The following ARHGEF26 variants were observed in gnomAD, a reference collection of about 807,000 sequenced individuals.
ARHGEF26 encodes Rho guanine nucleotide exchange factor (GEF) 26.
ARHGEF26 carries 59 observed loss-of-function variants against 89.4 expected under a neutral mutation model. The observed-to-expected ratio is 0.66, with a 90% CI of 0.54 to 0.82. The LOEUF (loss-of-function observed/expected upper bound fraction) is 0.82, where lower values mean the gene tolerates loss of function less well. Ranked by LOEUF, ARHGEF26 falls within the 40% of genes least tolerant of loss-of-function variation. The pLI, the probability that ARHGEF26 is intolerant of heterozygous loss-of-function variation, is 0.00. For missense variants in ARHGEF26, 1,234 were observed against 1,085.6 expected (o/e 1.14, Z -1.92); for synonymous variants, 500 against 428.4 (o/e 1.17, Z -2.06).
At chr3:154,143,220 A>G (rs985714780) in intron 4 of ARHGEF26, among the ~76,000 whole-genome samples, 2 of 152,236 alleles carry the variant, frequency 1.3e-5, no homozygotes, top group African/African-American at 4.8e-5. Context: ...TTTCTATTCA[A>G]TCACTATTAA....
chr3:154,192,864 A>G (rs974157926), intron 8 of ARHGEF26, among the ~76,000 whole-genome samples: 1 of 152,240 alleles, frequency 6.6e-6, no homozygotes, highest in African/African-American at 2.4e-5. Flanking sequence ...AAAAATAAAT[A>G]AAATGCATTT....
chr3:154,159,827 C>G (rs1235738887), intron 6 of ARHGEF26, among the ~76,000 whole-genome samples: 1 of 152,004 alleles, frequency 6.6e-6, no homozygotes, highest in Non-Finnish European at 1.5e-5. Context: ...CTGACTAATT[C>G]TTAAAGCTAA....
At chr3:154,191,063 A>C (rs1425984108) in intron 7 of ARHGEF26, among the ~76,000 whole-genome samples, 1 of 152,168 alleles carries the variant, frequency 6.6e-6, no homozygotes, top group South Asian at 2.1e-4. Context: ...CTTATTGTTA[A>C]TACTGTTATG....
intron 6 of ARHGEF26, among the ~76,000 whole-genome samples, chr3:154,155,665 G>A (rs1057382987): frequency 2.6e-5 from 4 of 151,938 alleles, no homozygotes; most frequent in African/African-American, 9.7e-5. Flanking sequence ...TTCATACCAA[G>A]CATTATGTTG....
At chr3:154,249,105 G>T (rs1717963650) in intron 12 of ARHGEF26, among the ~76,000 whole-genome samples, 1 of 152,182 alleles carries the variant, frequency 6.6e-6, no homozygotes, top group Non-Finnish European at 1.5e-5. Context: ...AGGGATAAAA[G>T]GAAGGTTAAA....
At chr3:154,123,315 G>A (rs1560035860) in intron 2 of ARHGEF26, among the ~76,000 whole-genome samples, 1 of 152,150 alleles carries the variant, frequency 6.6e-6, no homozygotes, top group African/African-American at 2.4e-5. Context: ...CTAAGCTCAG[G>A]CAGAATTGGG....
intron 13 of ARHGEF26, among the ~76,000 whole-genome samples, chr3:154,254,205 G>A (rs1000759106): frequency 9.9e-5 from 15 of 152,116 alleles, no homozygotes; most frequent in African/African-American, 2.9e-4. Context: ...GTGAGCCACC[G>A]TGCCCGGCCA....
intron 11 of ARHGEF26, among the ~76,000 whole-genome samples, chr3:154,228,581 A>T (rs1030782892): frequency 6.6e-6 from 1 of 151,076 alleles, no homozygotes; most frequent in Non-Finnish European, 1.5e-5. Flanking sequence ...TTAGTTCATT[A>T]TATTTCTAGG....
intron 4 of ARHGEF26, among the ~76,000 whole-genome samples, chr3:154,131,042 T>G (rs1469538625): frequency 1.3e-5 from 2 of 152,206 alleles, no homozygotes; most frequent in Non-Finnish European, 2.9e-5. Flanking sequence ...CACCTCCTAA[T>G]TTTGTTCTCA....
rs201150057 is a variant in ARHGEF26 at position 154,186,886 on chromosome 3, C to CTTTTTTTTTTTTTTTTT, written c.1488-787_1488-771dup. Among the ~76,000 whole-genome samples, 10 of 82,040 alleles carry CTTTTTTTTTTTTTTTTT rather than the reference C, an allele frequency of 1.2e-4. 2 individuals are homozygous for CTTTTTTTTTTTTTTTTT. Among genetic ancestry groups the CTTTTTTTTTTTTTTTTT allele is most frequent in the African/African-American group, 4.7e-4 (10 of 21,130 alleles). 53.8% of individuals were successfully genotyped at this position (82,040 alleles called of 152,430 possible). On this transcript the variant is annotated intron_variant, in intron 6 of 14. Transcript: ENST00000465093. Reference sequence around the variant, plus strand: ...CATATACTGTTAGATTTATTTCAGACTTTTTTTTTTTTTTTTTTTTTTTTT... The same window carrying CTTTTTTTTTTTTTTTTT: ...CATATACTGTTAGATTTATTTCAGACTTTTTTTTTTTTTTTTTTTTTTTTTTTTTTTTTTTTTTTTTT...
At chr3:154,126,726 G>A (rs762120777) in intron 3 of ARHGEF26, among the ~76,000 whole-genome samples, 1 of 152,104 alleles carries the variant, frequency 6.6e-6, no homozygotes, top group Non-Finnish European at 1.5e-5. Context: ...CTTGTACACT[G>A]TGGCCACTAG....
intron 9 of ARHGEF26, among the ~76,000 whole-genome samples, chr3:154,212,160 G>A (rs1007122367): frequency 2.6e-5 from 4 of 152,026 alleles, no homozygotes; most frequent in Non-Finnish European, 4.4e-5. Context: ...GCAACATAGT[G>A]AGACCTCTTC....
At chr3:154,234,835 G>A (rs923766056) in intron 11 of ARHGEF26, among the ~76,000 whole-genome samples, 12 of 151,944 alleles carry the variant, frequency 7.9e-5, no homozygotes, top group African/African-American at 2.4e-4. Flanking sequence ...GCGCAATCTC[G>A]GCTCACTGCA....
At chr3:154,199,003 A>G (rs1199300058) in intron 9 of ARHGEF26, among the ~76,000 whole-genome samples, 1 of 152,110 alleles carries the variant, frequency 6.6e-6, no homozygotes, top group Non-Finnish European at 1.5e-5. Context: ...AGTGTGAAAT[A>G]AGCACATCAT....
chr3:154,246,865 T>C (rs947465093), intron 12 of ARHGEF26, among the ~76,000 whole-genome samples: 2 of 152,168 alleles, frequency 1.3e-5, no homozygotes, highest in Non-Finnish European at 2.9e-5. Flanking sequence ...ATTTAGATTT[T>C]TGGCGTGAGC....
chr3:154,191,175 T>A (rs112039120), intron 7 of ARHGEF26, 114 bp from the exon 8 acceptor site: 13,778 of 1,166,924 alleles, frequency 0.012, 97 homozygotes, highest in Non-Finnish European at 0.014. Context: ...TCATACAGTT[T>A]AAAATAGTTG....
intron 13 of ARHGEF26, among the ~76,000 whole-genome samples, 181 bp downstream of exon 13, chr3:154,253,364 A>G (rs1718281832): frequency 1.3e-5 from 2 of 152,258 alleles, no homozygotes; most frequent in Admixed American, 1.3e-4. Context: ...TCTGAATTCA[A>G]ATCCAAGGTG....
In ARHGEF26 at chr3:154,255,369, G is replaced by C; in HGVS notation, c.2512G>C (p.Gly838Arg). 6.2e-7 allele frequency: 1 copy of C among 1,613,678 alleles called. No homozygotes were observed. The highest frequency in any genetic ancestry group is 8.5e-7 in the Non-Finnish European group (1 of 1,179,836). The part of the protein sequence containing the change: ...EGERLRDGER[G>R]WFPMECAKEI... ...GGAACGACTACGAGATGGAGAAAGA[G>C]GCTGGTTTCCTATGGAATGTGCCAA... Residue 838 changes from glycine (G) to arginine (R), a missense_variant, in exon 15 of 15, where the codon GGC becomes CGC. By Grantham distance (125) the Gly-to-Arg change is moderately radical. Transcript: ENST00000465093.
Position 154,225,859 on chromosome 3 carries a change from T to C in ARHGEF26, c.1939T>C (p.Phe647Leu), listed in dbSNP as rs1716450811. ...NSQLEFKIKP[F>L]PLVSSSRWLV... is the part of the protein sequence containing the mutation. ...CTGGGTTTTTCTCCTTTTGTAGCCTTTTCCTTTAGTCTCCTCTTCCCGGTG... is the reference window on the plus strand; with the variant it reads ...CTGGGTTTTTCTCCTTTTGTAGCCTCTTCCTTTAGTCTCCTCTTCCCGGTG... The change falls in exon 11 of 15, where the codon TTT becomes CTT. Residue 647 changes from phenylalanine to leucine, a missense_variant. Transcript: ENST00000465093. The C allele has an allele frequency of 1.9e-6, 3 of 1,597,068 alleles. No homozygotes were observed. The highest frequency in any genetic ancestry group is 1.7e-4 in the Middle Eastern group (1 of 5,918).
Sources: gnomAD v4.1 joint callset for allele counts (sites outside exome capture counted in the v4.1 genomes callset) on GRCh38, gnomAD v4.1.1 for gene constraint, MANE v1.5 for transcripts, NCBI Gene and HGNC (gene_info 2026-07-23, HGNC 2026-07-21) for gene names.